TENM2: variants seen among roughly 807,000 people sequenced by gnomAD.
TENM2 encodes teneurin-2.
TENM2 carries 52 observed loss-of-function variants against 245.2 expected under a neutral mutation model. The observed-to-expected ratio is 0.21, with a 90% CI of 0.17 to 0.27. The LOEUF (loss-of-function observed/expected upper bound fraction) is 0.27, where lower values mean the gene tolerates loss of function less well. Ranked by LOEUF, TENM2 falls within the 10% of genes least tolerant of loss-of-function variation. TENM2 has a pLI of 1.00. For missense variants in TENM2, 3,046 were observed against 3,666.8 expected (o/e 0.83, Z 4.37); for synonymous variants, 1,363 against 1,438.9 (o/e 0.95, Z 1.19).
At chr5:167,414,029 C>A (rs1763041710) in intron 2 of TENM2, among the ~76,000 whole-genome samples, 1 of 152,130 alleles carries the variant, frequency 6.6e-6, no homozygotes, top group African/African-American at 2.4e-5. Context: ...GCTAGGCAAA[C>A]ATGGTTTGAA....
intron 2 of TENM2, among the ~76,000 whole-genome samples, chr5:167,405,755 AAC>A (rs1365056776): frequency 3.3e-5 from 3 of 91,440 alleles, no homozygotes; most frequent in Admixed American, 1.2e-4. Flanking sequence ...GTGCAATTCA[AAC>A]ACACACACAC....
chr5:167,627,952 A>G (rs552177133), intron 2 of TENM2, among the ~76,000 whole-genome samples: 2 of 152,234 alleles, frequency 1.3e-5, no homozygotes, highest in Non-Finnish European at 2.9e-5. Flanking sequence ...CTCAATGGGT[A>G]TTACATAAAG....
At chr5:167,650,348 C>T (rs1196911749) in intron 2 of TENM2, among the ~76,000 whole-genome samples, 5 of 152,136 alleles carry the variant, frequency 3.3e-5, no homozygotes, top group Non-Finnish European at 5.9e-5. Context: ...ATAACATGGC[C>T]TAAAGGCTAA....
At chr5:168,203,863 A>C in intron 18 of TENM2, 31 bp downstream of exon 20, 1 of 1,568,480 alleles carries the variant, frequency 6.4e-7, no homozygotes, top group East Asian at 2.3e-5. Flanking sequence ...TCCCAAATAC[A>C]GCCTTGCCAC....
At chr5:167,570,558 C>T (rs1445372129) in intron 2 of TENM2, among the ~76,000 whole-genome samples, 1 of 152,132 alleles carries the variant, frequency 6.6e-6, no homozygotes, top group East Asian at 1.9e-4. Context: ...ATGTCATTCT[C>T]CTTTCATTCA....
chr5:167,895,772 G>A (rs1426955715), intron 3 of TENM2, among the ~76,000 whole-genome samples: 2 of 152,144 alleles, frequency 1.3e-5, no homozygotes, highest in African/African-American at 2.4e-5. Flanking sequence ...AAAGCCCTGC[G>A]ATTCCTGTTT....
chr5:167,723,508 T>C (rs1237735457), intron 2 of TENM2, among the ~76,000 whole-genome samples: 1 of 152,180 alleles, frequency 6.6e-6, no homozygotes, highest in Non-Finnish European at 1.5e-5. Context: ...TGGCCTCCCA[T>C]TTCACTCGAG....
chr5:167,095,183 T>C, the TENM2 span, among the ~76,000 whole-genome samples: 1 of 152,146 alleles, frequency 6.6e-6, no homozygotes, highest in Non-Finnish European at 1.5e-5. Flanking sequence ...ATTAAGCACA[T>C]ACATGAGGAG....
chr5:167,193,853 T>G, the TENM2 span, among the ~76,000 whole-genome samples: 57 of 152,154 alleles, frequency 3.7e-4, no homozygotes, highest in African/African-American at 1.3e-3. Context: ...AATTTGAGCT[T>G]ATGTGACAGA....
At chr5:167,366,719 T>C (rs143591858) in intron 1 of TENM2, among the ~76,000 whole-genome samples, 8 of 152,298 alleles carry the variant, frequency 5.3e-5, no homozygotes, top group African/African-American at 1.9e-4. Context: ...TGACACATTT[T>C]GAAGCCTTCA....
intron 1 of TENM2, among the ~76,000 whole-genome samples, chr5:167,320,062 C>CT (rs1300230983): frequency 1.3e-5 from 2 of 152,148 alleles, no homozygotes; most frequent in African/African-American, 2.4e-5. Context: ...TAGTTTGACT[C>CT]TAACAGAAAT....
the TENM2 span, among the ~76,000 whole-genome samples, chr5:167,007,355 A>C: frequency 6.6e-6 from 1 of 152,208 alleles, no homozygotes; most frequent in African/African-American, 2.4e-5. This position sits in a 1 kb window ranked among gnomAD's most constrained non-coding sequence, Gnocchi z 4.2. Flanking sequence ...TTTCCAATCT[A>C]AGGAAAAGAG....
At chr5:167,689,831 G>A (rs963704569) in intron 2 of TENM2, among the ~76,000 whole-genome samples, 4 of 151,750 alleles carry the variant, frequency 2.6e-5, no homozygotes, top group African/African-American at 9.7e-5. Flanking sequence ...GAGCAATTTT[G>A]GCTCCTACAA....
the TENM2 span, among the ~76,000 whole-genome samples, chr5:167,139,629 C>A: frequency 6.6e-6 from 1 of 152,078 alleles, no homozygotes; most frequent in African/African-American, 2.4e-5. Context: ...CAAAGTCAAT[C>A]GTTAGCTAAT....
At chr5:167,848,897 AG>A (rs1391431910) in intron 2 of TENM2, among the ~76,000 whole-genome samples, 3 of 152,002 alleles carry the variant, frequency 2.0e-5, no homozygotes, top group African/African-American at 7.3e-5. Context: ...AAAGCAGGCT[AG>A]TTTTTTGTTT....
intron 12 of TENM2, among the ~76,000 whole-genome samples, chr5:168,146,940 C>A (rs565415305): frequency 6.6e-6 from 1 of 152,232 alleles, no homozygotes; most frequent in Admixed American, 6.5e-5. Context: ...CCCCCCTTCA[C>A]CTGTCGGGAA....
chr5:167,009,252 TC>T, the TENM2 span, among the ~76,000 whole-genome samples: 3 of 152,202 alleles, frequency 2.0e-5, no homozygotes, highest in Non-Finnish European at 4.4e-5. Context: ...ACACACTCAC[TC>T]TATTCCATTC....
At chr5:167,291,946 C>T (rs1168025338) in intron 1 of TENM2, among the ~76,000 whole-genome samples, 2 of 152,132 alleles carry the variant, frequency 1.3e-5, no homozygotes, top group Non-Finnish European at 2.9e-5. Context: ...ACTTACAGTT[C>T]CACATGGCTG....
chr5:168,224,283 G>C (rs1284888457), intron 23 of TENM2, among the ~76,000 whole-genome samples: 2 of 152,106 alleles, frequency 1.3e-5, no homozygotes, highest in African/African-American at 2.4e-5. Context: ...CCATGCCTGG[G>C]GCCCTGGGCG....
Sources: allele counts gnomAD v4.1 joint callset (sites outside exome capture counted in the v4.1 genomes callset), GRCh38; gene constraint gnomAD v4.1.1; non-coding constraint Gnocchi (gnomAD v3.1); transcripts MANE v1.5; gene names NCBI Gene and HGNC (gene_info 2026-07-23, HGNC 2026-07-21).